ELAPOR1: variants seen among roughly 807,000 people sequenced by gnomAD.
ELAPOR1 encodes endosome/lysosome-associated apoptosis and autophagy regulator 1.
Under a neutral mutation model 119.7 loss-of-function variants are expected in ELAPOR1, and 77 were observed. The ratio of observed to expected loss-of-function variants is 0.64; its 90% CI spans 0.54 to 0.78. The LOEUF (loss-of-function observed/expected upper bound fraction) is 0.78, where lower values mean the gene tolerates loss of function less well. Among genes scored for constraint, ELAPOR1 ranks in the 30% least tolerant of loss-of-function variants. The pLI, the probability that ELAPOR1 is intolerant of heterozygous loss-of-function variation, is 0.00. For missense variants in ELAPOR1, 1,115 were observed against 1,270.4 expected (o/e 0.88, Z 1.86); for synonymous variants, 481 against 487.2 (o/e 0.99, Z 0.17).
At chr1:109,121,568 A>G (rs555445613) in intron 1 of ELAPOR1, among the ~76,000 whole-genome samples, 9 of 152,340 alleles carry the variant, frequency 5.9e-5, no homozygotes, top group African/African-American at 2.2e-4. Flanking sequence ...CTCCTGCCTC[A>G]GTCACACTTT....
chr1:109,161,141 G>A (rs756209444), intron 1 of ELAPOR1, among the ~76,000 whole-genome samples: 3 of 152,096 alleles, frequency 2.0e-5, no homozygotes, highest in Non-Finnish European at 4.4e-5. Flanking sequence ...GCCAGGCGTG[G>A]TGGCTCATGC....
intron 7 of ELAPOR1, among the ~76,000 whole-genome samples, chr1:109,177,505 C>A (rs1448283915): frequency 1.8e-5 from 2 of 111,660 alleles, no homozygotes; most frequent in Admixed American, 8.7e-5. Flanking sequence ...GGATGGCGGC[C>A]GGGAAGAGGC....
intron 12 of ELAPOR1, 74 bp downstream of exon 12, chr1:109,191,545 C>T: frequency 7.1e-7 from 1 of 1,403,408 alleles, no homozygotes; most frequent in Non-Finnish European, 1.0e-6. Flanking sequence ...TTGGTGTGTC[C>T]ACGTGACTGA....
At chr1:109,174,559 C>T (rs951517439) in intron 7 of ELAPOR1, among the ~76,000 whole-genome samples, 1 of 146,276 alleles carries the variant, frequency 6.8e-6, no homozygotes, top group South Asian at 2.2e-4. Context: ...GGTTTACATT[C>T]GGGGGTGGGG....
At chr1:109,188,121 C>A in intron 8 of ELAPOR1, 56 bp from the exon 9 acceptor site, 2 of 1,550,434 alleles carry the variant, frequency 1.3e-6, no homozygotes, top group Non-Finnish European at 1.8e-6. Flanking sequence ...AAGGTAGAGT[C>A]CCAAAGATGT....
At chr1:109,167,296 G>T (rs1197374531) in intron 3 of ELAPOR1, among the ~76,000 whole-genome samples, 2 of 152,040 alleles carry the variant, frequency 1.3e-5, no homozygotes, top group African/African-American at 2.4e-5. Flanking sequence ...ATAACAACTT[G>T]TGTTTCCACC....
chr1:109,134,637 C>T (rs1649348902), intron 1 of ELAPOR1, among the ~76,000 whole-genome samples: 1 of 152,200 alleles, frequency 6.6e-6, no homozygotes, highest in Non-Finnish European at 1.5e-5. Context: ...GCTGCACCTG[C>T]TGCTTTTGCC....
intron 8 of ELAPOR1, chr1:109,187,848 C>A: frequency 9.7e-7 from 1 of 1,032,894 alleles, no homozygotes; most frequent in Non-Finnish European, 1.2e-6. Flanking sequence ...TTTCCTGTGA[C>A]CTTGGTAGCA....
Position 109,200,470 on chromosome 1 carries a change from T to C in ELAPOR1, c.2807+233T>C, listed in dbSNP as rs114914263. Among the ~76,000 whole-genome samples, 584 of 152,324 alleles carry C rather than the reference T, an allele frequency of 3.8e-3. 2 individuals carry two copies. Among genetic ancestry groups the C allele is most frequent in the Non-Finnish European group, 5.7e-3 (391 of 68,026 alleles). On this transcript the variant is annotated intron_variant, in intron 20 of 21. Coordinates refer to ENST00000369939, the MANE Select transcript of ELAPOR1 (RefSeq NM_020775.5). ...AAAGAGTATCCTCAGTTTGCTATTATTAACAGTACAGAGAATGACATTATG... is the reference window on the plus strand; with the variant it reads ...AAAGAGTATCCTCAGTTTGCTATTACTAACAGTACAGAGAATGACATTATG...
chr1:109,176,589 C>A (rs540258102), intron 7 of ELAPOR1, among the ~76,000 whole-genome samples: 1 of 150,940 alleles, frequency 6.6e-6, no homozygotes, highest in African/African-American at 2.4e-5. Context: ...CAAATGAGTG[C>A]AGTTTTCTTT....
chr1:109,171,802 C>T, intron 3 of ELAPOR1, 64 bp from the exon 4 acceptor site: 1 of 1,555,626 alleles, frequency 6.4e-7, no homozygotes, highest in East Asian at 2.3e-5. Context: ...ATGAGACCTG[C>T]ACATGGCACA....
chr1:109,122,004 C>A (rs1648452418), intron 1 of ELAPOR1, among the ~76,000 whole-genome samples: 1 of 151,648 alleles, frequency 6.6e-6, no homozygotes, highest in Non-Finnish European at 1.5e-5. Context: ...AAACTCCTGA[C>A]CTTGTGATCC....
intron 14 of ELAPOR1, among the ~76,000 whole-genome samples, chr1:109,193,653 G>A (rs1028385723): frequency 2.6e-5 from 4 of 152,174 alleles, no homozygotes; most frequent in African/African-American, 7.2e-5. Flanking sequence ...GATATTAATC[G>A]ATGCTTTTAA....
chr1:109,192,690 G>A lies in ELAPOR1; in HGVS notation c.1763G>A (p.Cys588Tyr). The A allele has an allele frequency of 2.5e-6, 4 of 1,614,046 alleles. No homozygotes were observed. The highest frequency in any genetic ancestry group is 3.4e-6 in the Non-Finnish European group (4 of 1,180,002). Residue 588 changes from cysteine to tyrosine, a missense_variant, in exon 14 of 22, where the codon TGC becomes TAC. Transcript: ENST00000369939. ...TNVMNGVASY[C>Y]RPCALEASDV... is the part of the protein sequence containing the mutation. The stretch of plus-strand genomic sequence containing the variant: ...GTTATGAATGGTGTGGCCTCCTACT[G>A]CCGTCCCTGTGCCCTAGAAGCCTCT...
intron 1 of ELAPOR1, among the ~76,000 whole-genome samples, chr1:109,138,570 CCAG>C (rs71069652): frequency 1.7e-4 from 25 of 150,884 alleles, no homozygotes; most frequent in East Asian, 3.9e-4. Context: ...TCCCTCCCCA[CCAG>C]CAGCAGCAGC....
intron 8 of ELAPOR1, chr1:109,187,109 C>A: frequency 1.0e-6 from 1 of 985,504 alleles, no homozygotes; most frequent in South Asian, 4.7e-5. Flanking sequence ...AATCAAGGGA[C>A]ACACCTCGAG....
At chr1:109,138,570 C>CCAGCAGCAG (rs71069652) in intron 1 of ELAPOR1, among the ~76,000 whole-genome samples, 159 of 151,192 alleles carry the variant, frequency 1.1e-3, no homozygotes, top group African/African-American at 3.6e-3. Flanking sequence ...TCCCTCCCCA[C>CCAGCAGCAG]CAGCAGCAGC....
intron 1 of ELAPOR1, among the ~76,000 whole-genome samples, chr1:109,140,618 G>A (rs146927266): frequency 0.025 from 3,788 of 152,232 alleles, 148 homozygotes; most frequent in African/African-American, 0.087. Context: ...CAATGCACAT[G>A]GAGAGAGGTG....
intron 8 of ELAPOR1, chr1:109,187,345 G>A (rs1204883107): frequency 1.0e-6 from 1 of 985,542 alleles, no homozygotes; most frequent in Non-Finnish European, 1.2e-6. Flanking sequence ...GGGCCGAGCT[G>A]AGCAGGGGAA....
Sources: gnomAD v4.1 joint callset for allele counts (sites outside exome capture counted in the v4.1 genomes callset) on GRCh38, gnomAD v4.1.1 for gene constraint, MANE v1.5 for transcripts, NCBI Gene and HGNC (gene_info 2026-07-23, HGNC 2026-07-21) for gene names.